The following SLC14A2 variants were observed in gnomAD, a reference collection of about 807,000 sequenced individuals.
The protein encoded by SLC14A2 is solute carrier family 14 member 2.
Under a neutral mutation model 104.6 loss-of-function variants are expected in SLC14A2, and 91 were observed. The ratio of observed to expected loss-of-function variants is 0.87; its 90% CI spans 0.73 to 1.04. The LOEUF (loss-of-function observed/expected upper bound fraction) is 1.04. Among genes scored for constraint, SLC14A2 ranks in the 50% least tolerant of loss-of-function variants. The pLI, the probability that SLC14A2 is intolerant of heterozygous loss-of-function variation, is 0.00. For missense variants in SLC14A2, 1,189 were observed against 1,156.0 expected (o/e 1.03, Z -0.41); for synonymous variants, 476 against 466.4 (o/e 1.02, Z -0.27).
chr18:45,456,033 C>T (rs2086937928), intron 1 of SLC14A2, among the ~76,000 whole-genome samples: 1 of 152,100 alleles, frequency 6.6e-6, no homozygotes, highest in Non-Finnish European at 1.5e-5. Flanking sequence ...CACTTGGGCA[C>T]TATTAACATT....
intron 10 of SLC14A2, among the ~76,000 whole-genome samples, chr18:45,657,912 C>G (rs975993840): frequency 2.0e-5 from 3 of 152,136 alleles, no homozygotes; most frequent in Admixed American, 2.0e-4. Flanking sequence ...GTATCCATAT[C>G]GCACACACAG....
chr18:45,619,394 T>A (rs2045127245), intron 1 of SLC14A2, among the ~76,000 whole-genome samples: 1 of 152,222 alleles, frequency 6.6e-6, no homozygotes, highest in Non-Finnish European at 1.5e-5. Flanking sequence ...GACTGGGCCT[T>A]CCAGCAATGA....
At position 45,624,722 on chromosome 18, in the gene SLC14A2, C is replaced by T; in HGVS notation, c.58C>T (p.Leu20Phe). 6.2e-7 allele frequency: 1 copy of T among 1,613,578 alleles called. No homozygotes were observed. The highest frequency in any genetic ancestry group is 8.5e-7 in the Non-Finnish European group (1 of 1,179,792). ...LPEPLSSRYK[L>F]YEAEFTSPSW... ...AGAGCCACTTTCCAGCAGATACAAACTCTACGAGGCAGAGTTTACCAGCCC... is the reference window on the plus strand; with the variant it reads ...AGAGCCACTTTCCAGCAGATACAAATTCTACGAGGCAGAGTTTACCAGCCC... The change falls in exon 2 of 20, where the codon CTC becomes TTC. Residue 20 changes from leucine to phenylalanine, a missense_variant. Physicochemically the swap from Leu to Phe is conservative, Grantham distance 22. Transcript: ENST00000255226.
chr18:45,208,572 T>A (rs1297839607), upstream of SLC14A2, among the ~76,000 whole-genome samples: 1 of 152,130 alleles, frequency 6.6e-6, no homozygotes, highest in Non-Finnish European at 1.5e-5. Flanking sequence ...GACTCAGGAA[T>A]GTGTGTGCCC....
chr18:45,344,395 G>A (rs187977081), intron 1 of SLC14A2, among the ~76,000 whole-genome samples: 5 of 152,248 alleles, frequency 3.3e-5, no homozygotes, highest in South Asian at 2.1e-4. Flanking sequence ...CCGCTGGCTG[G>A]CTGGCTGGCT....
At chr18:45,267,533 C>T (rs141654994) in intron 1 of SLC14A2, among the ~76,000 whole-genome samples, 1 of 152,296 alleles carries the variant, frequency 6.6e-6, no homozygotes, top group East Asian at 1.9e-4. Flanking sequence ...CATTTTCAAA[C>T]ATTTGATCAT....
At chr18:45,590,795 G>A (rs2144386479) in intron 2 of SLC14A2, among the ~76,000 whole-genome samples, 1 of 152,358 alleles carries the variant, frequency 6.6e-6, no homozygotes, top group East Asian at 1.9e-4. Context: ...CATTGATTGA[G>A]TGCTTACAGT....
chr18:45,478,383 C>G (rs1360437160), intron 1 of SLC14A2, among the ~76,000 whole-genome samples: 1 of 152,218 alleles, frequency 6.6e-6, no homozygotes, highest in Non-Finnish European at 1.5e-5. Context: ...CACCTGCCTT[C>G]TGTACTGATC....
At chr18:45,272,346 T>A (rs112765701) in intron 1 of SLC14A2, among the ~76,000 whole-genome samples, 134 of 152,206 alleles carry the variant, frequency 8.8e-4, no homozygotes, top group African/African-American at 3.2e-3. Flanking sequence ...AACCTAAGTG[T>A]CCATCAACAG....
Position 45,682,652 on chromosome 18 carries a change from T to C in SLC14A2, c.*133T>C. On this transcript the variant is annotated 3_prime_UTR_variant, in exon 20 of 20. Coordinates refer to ENST00000255226, the MANE Select transcript of SLC14A2 (RefSeq NM_007163.4). ...CTCCCCAAACACAAAGAAGCGTGTATGTAGTCACCATTCCAGAACCTCTCT... is the reference window on the plus strand; with the variant it reads ...CTCCCCAAACACAAAGAAGCGTGTACGTAGTCACCATTCCAGAACCTCTCT... The C allele has an allele frequency of 1.4e-6, 1 of 706,900 alleles. No individual in the cohort carries two copies. The allele number at this position is 706,900 out of a possible 1,614,324, so 43.8% of individuals were successfully genotyped here.
At chr18:45,464,453 G>C (rs1424749074) in intron 1 of SLC14A2, among the ~76,000 whole-genome samples, 1 of 152,090 alleles carries the variant, frequency 6.6e-6, no homozygotes, top group Non-Finnish European at 1.5e-5. Context: ...TACTGTCAAC[G>C]TTCAATGAAG....
chr18:45,228,015 A>G (rs973603607), intron 1 of SLC14A2, among the ~76,000 whole-genome samples: 12 of 152,194 alleles, frequency 7.9e-5, no homozygotes, highest in African/African-American at 2.7e-4. Flanking sequence ...TAAATCGATA[A>G]TAGATTAATT....
At chr18:45,573,492 C>T (rs1247423872) in intron 2 of SLC14A2, among the ~76,000 whole-genome samples, 16 of 152,156 alleles carry the variant, frequency 1.1e-4, no homozygotes, top group Admixed American at 8.5e-4. Context: ...CAAATAAAAA[C>T]TCAAAGTCAT....
At chr18:45,454,744 CATTT>C (rs765236415) in intron 1 of SLC14A2, among the ~76,000 whole-genome samples, 3 of 152,116 alleles carry the variant, frequency 2.0e-5, no homozygotes, top group Non-Finnish European at 4.4e-5. Context: ...TTCCCAATGC[CATTT>C]ATTAAATAGG....
intron 1 of SLC14A2, among the ~76,000 whole-genome samples, chr18:45,250,633 A>AT (rs2084411461): frequency 6.6e-6 from 1 of 151,600 alleles, no homozygotes; most frequent in Admixed American, 6.6e-5. Context: ...TTAGATCAGG[A>AT]TTTTCCATGG....
intron 1 of SLC14A2, among the ~76,000 whole-genome samples, chr18:45,326,292 C>T (rs1021595640): frequency 6.6e-6 from 1 of 152,162 alleles, no homozygotes; most frequent in African/African-American, 2.4e-5. Flanking sequence ...TTTTACTCAT[C>T]AGTCCCAAAA....
chr18:45,590,277 C>A (rs1599037889), intron 2 of SLC14A2, among the ~76,000 whole-genome samples: 1 of 152,226 alleles, frequency 6.6e-6, no homozygotes, highest in East Asian at 1.9e-4. Flanking sequence ...AGCTTCACTG[C>A]GGGTGCTGGC....
chr18:45,231,451 C>T (rs942572825), intron 1 of SLC14A2, among the ~76,000 whole-genome samples: 1 of 152,124 alleles, frequency 6.6e-6, no homozygotes, highest in South Asian at 2.1e-4. Context: ...GATCTTCCTG[C>T]CTTGGCCTCC....
intron 1 of SLC14A2, among the ~76,000 whole-genome samples, chr18:45,240,652 T>TTG (rs1182547713): frequency 2.1e-5 from 3 of 146,292 alleles, no homozygotes; most frequent in African/African-American, 8.3e-5. Flanking sequence ...TTTTTTTTGT[T>TTG]TTTGTTTTTG....
Sources: allele counts gnomAD v4.1 joint callset (sites outside exome capture counted in the v4.1 genomes callset), GRCh38; gene constraint gnomAD v4.1.1; transcripts MANE v1.5; gene names NCBI Gene and HGNC (gene_info 2026-07-23, HGNC 2026-07-21).